TNR: variants seen among roughly 807,000 people sequenced by gnomAD.
The protein encoded by TNR is tenascin-R.
In TNR, 45 loss-of-function variants were observed where a neutral mutation model predicts 150.4. The observed-to-expected ratio is 0.30, with a 90% confidence interval of 0.24 to 0.38. The LOEUF is 0.38. Among genes scored for constraint, TNR ranks in the 10% least tolerant of loss-of-function variants. TNR has a pLI of 1.00. For missense variants in TNR, 1,544 were observed against 1,759.1 expected (o/e 0.88, Z 2.19); for synonymous variants, 687 against 678.4 (o/e 1.01, Z -0.20).
At chr1:175,469,989 C>T (rs1309175119) in intron 2 of TNR, among the ~76,000 whole-genome samples, 3 of 152,040 alleles carry the variant, frequency 2.0e-5, no homozygotes, top group Non-Finnish European at 2.9e-5. Flanking sequence ...ATGATGATCA[C>T]TTGATGGGGG....
chr1:175,631,842 C>T (rs1038938722), intron 1 of TNR, among the ~76,000 whole-genome samples: 1 of 152,122 alleles, frequency 6.6e-6, no homozygotes, highest in African/African-American at 2.4e-5. Context: ...AAGATATTAG[C>T]TCTTTCTTTA....
intron 1 of TNR, among the ~76,000 whole-genome samples, chr1:175,536,127 G>GT (rs949562046): frequency 3.9e-5 from 6 of 152,134 alleles, no homozygotes; most frequent in Admixed American, 2.0e-4. Context: ...CCACAAATCT[G>GT]TTTTTTAATA....
intron 2 of TNR, among the ~76,000 whole-genome samples, chr1:175,423,895 G>A (rs1466091404): frequency 6.6e-6 from 1 of 152,318 alleles, no homozygotes; most frequent in Non-Finnish European, 1.5e-5. Context: ...TGAATCCCAC[G>A]AGTTCCAGGG....
At chr1:175,534,159 C>A (rs1214087008) in intron 1 of TNR, among the ~76,000 whole-genome samples, 4 of 152,202 alleles carry the variant, frequency 2.6e-5, no homozygotes, top group African/African-American at 9.7e-5. Context: ...GAGCAATGGA[C>A]CATCCTGGCT....
intron 6 of TNR, 134 bp downstream of exon 6, chr1:175,393,646 C>T (rs1252871547): frequency 4.0e-6 from 3 of 754,016 alleles, no homozygotes; most frequent in South Asian, 1.6e-5. Context: ...CAGACACCCA[C>T]AACATGCCAT....
intron 4 of TNR, among the ~76,000 whole-genome samples, chr1:175,401,620 ATTG>A (rs1653705514): frequency 6.6e-6 from 1 of 152,234 alleles, no homozygotes; most frequent in South Asian, 2.1e-4. Flanking sequence ...ACAGTGCATT[ATTG>A]TTGTTTTTCT....
At chr1:175,561,368 G>T (rs577813288) in intron 1 of TNR, among the ~76,000 whole-genome samples, 1 of 152,216 alleles carries the variant, frequency 6.6e-6, no homozygotes, top group Admixed American at 6.5e-5. Flanking sequence ...TCAAACAATC[G>T]GAAAGCAGCA....
chr1:175,551,718 T>C (rs1468877877), intron 1 of TNR, among the ~76,000 whole-genome samples: 1 of 152,238 alleles, frequency 6.6e-6, no homozygotes, highest in Non-Finnish European at 1.5e-5. Context: ...CAATAAGTTA[T>C]AGAAGTGGAG....
chr1:175,541,721 G>A (rs1437256844), intron 1 of TNR, among the ~76,000 whole-genome samples: 2 of 152,128 alleles, frequency 1.3e-5, no homozygotes, highest in Non-Finnish European at 2.9e-5. Context: ...TACACCAAGG[G>A]GGATGCCAGG....
chr1:175,466,681 G>C (rs1350001524), intron 2 of TNR, among the ~76,000 whole-genome samples: 3 of 152,190 alleles, frequency 2.0e-5, no homozygotes, highest in Non-Finnish European at 4.4e-5. Flanking sequence ...TCAGATCCCT[G>C]ATGCCCAGTG....
intron 1 of TNR, among the ~76,000 whole-genome samples, chr1:175,707,107 C>A (rs952464356): frequency 1.3e-5 from 2 of 152,090 alleles, no homozygotes; most frequent in Non-Finnish European, 2.9e-5. Flanking sequence ...CTAGTTTACA[C>A]AAAATTCTCA....
Position 175,499,294 on chromosome 1 carries a change from T to C in TNR, c.-64+28975A>G, listed in dbSNP as rs1658626277. On this transcript the variant is annotated intron_variant, in intron 2 of 22. Transcript: ENST00000367674. ...CGTGAGTAATAATAATAATCACAAT[T>C]AAAATAATTGACATGTTTGAGTATT... Among the ~76,000 whole-genome samples, 6 of 152,328 alleles carry C rather than the reference T, an allele frequency of 3.9e-5. No individual in the cohort carries two copies. In the South Asian group the frequency reaches 1.2e-3, roughly 32 times the overall value.
intron 2 of TNR, among the ~76,000 whole-genome samples, chr1:175,445,108 A>G (rs991269527): frequency 3.3e-5 from 5 of 152,118 alleles, no homozygotes; most frequent in African/African-American, 1.2e-4. Flanking sequence ...ATCTCTACTA[A>G]AAACACAAAA....
chr1:175,695,644 A>G (rs993722541), intron 1 of TNR, among the ~76,000 whole-genome samples: 13 of 152,054 alleles, frequency 8.5e-5, no homozygotes. Flanking sequence ...TCTAGAATGT[A>G]CCCCTACATT....
Position 175,330,248 on chromosome 1 carries a change from GC to G in TNR, c.3632-14del. 6.6e-7 allele frequency: 1 copy of G among 1,520,256 alleles called. No homozygotes were observed. 94.2% of individuals were successfully genotyped at this position (1,520,256 alleles called of 1,614,324 possible). ...ATATTGTCCAGCCCTGTGGAGAAGA[GC>G]AGAAAATGCACTGAGACTGGCCCCC... On this transcript the variant is annotated splice_polypyrimidine_tract_variant and intron_variant, in intron 20 of 22. Transcript: ENST00000367674.
intron 2 of TNR, among the ~76,000 whole-genome samples, chr1:175,417,653 T>C (rs1432299502): frequency 6.6e-6 from 1 of 152,118 alleles, no homozygotes; most frequent in Non-Finnish European, 1.5e-5. Context: ...TTTTTTTTTC[T>C]TAGAACATTG....
At chr1:175,702,342 C>T (rs1411178098) in intron 1 of TNR, among the ~76,000 whole-genome samples, 1 of 152,182 alleles carries the variant, frequency 6.6e-6, no homozygotes, top group East Asian at 1.9e-4. Context: ...GACATGCCAC[C>T]TCTGGGTTGT....
At chr1:175,467,149 G>A (rs896013397) in intron 2 of TNR, among the ~76,000 whole-genome samples, 6 of 152,032 alleles carry the variant, frequency 3.9e-5, no homozygotes, top group Admixed American at 2.0e-4. Context: ...AGAACAGACC[G>A]GGACTAATAT....
At chr1:175,546,742 G>A (rs2072807) in intron 1 of TNR, among the ~76,000 whole-genome samples, 72,448 of 151,962 alleles carry the variant, frequency 0.48, 18,031 homozygotes, top group East Asian at 0.67. Context: ...GAACTGGAGA[G>A]GATTCCTCTG....
Sources: allele counts gnomAD v4.1 joint callset (sites outside exome capture counted in the v4.1 genomes callset), GRCh38; gene constraint gnomAD v4.1.1; transcripts MANE v1.5; gene names NCBI Gene and HGNC (gene_info 2026-07-23, HGNC 2026-07-21).